The following PPP1R1C variants were observed in gnomAD, a reference collection of about 807,000 sequenced individuals.
PPP1R1C encodes protein phosphatase 1 regulatory inhibitor subunit 1C.
A neutral mutation model predicts 17.4 loss-of-function variants in PPP1R1C; 15 were observed. The observed-to-expected ratio is 0.86, with a 90% confidence interval of 0.58 to 1.33. PPP1R1C has a LOEUF of 1.33. PPP1R1C is among the 40% of genes most tolerant of loss of function. The pLI, the probability that PPP1R1C is intolerant of heterozygous loss-of-function variation, is 0.00. For missense variants in PPP1R1C, 143 were observed against 130.0 expected (o/e 1.10, Z -0.48); for synonymous variants, 35 against 43.1 (o/e 0.81, Z 0.73).
At chr2:181,970,879 C>G (rs1452069640) in intron 1 of PPP1R1C, among the ~76,000 whole-genome samples, 2 of 152,168 alleles carry the variant, frequency 1.3e-5, no homozygotes, top group East Asian at 3.9e-4. Flanking sequence ...AGAGTACTGA[C>G]TGGCTACCAC....
rs905934694 is a variant in PPP1R1C, at chr2:182,117,753, T to G, written c.*458T>G. On this transcript the variant is annotated 3_prime_UTR_variant, in exon 5 of 5. Coordinates refer to ENST00000682840, the MANE Select transcript of PPP1R1C (RefSeq NM_001080545.3). ...AGAAATATCTAATAAAGCTTTTAGC[T>G]TGAGATTTGCATTGATCATATTTCT... The G allele has an allele frequency of 6.5e-6, 1 of 153,300 alleles. No homozygotes were observed. The highest frequency in any genetic ancestry group is 2.4e-5 in the African/African-American group (1 of 41,432). 9.5% of individuals were successfully genotyped at this position (153,300 alleles called of 1,614,324 possible).
chr2:181,961,844 T>G lies in PPP1R1C; in HGVS notation n.111+7210T>G. On this transcript the variant is annotated intron_variant and non_coding_transcript_variant, in intron 1 of 5. Coordinates refer to the PPP1R1C transcript ENST00000464264. This position sits in a 1 kb window ranked among gnomAD's most constrained non-coding sequence, Gnocchi z 5.8. The stretch of plus-strand genomic sequence containing the variant: ...ACTTCCTCTTCGTGGTTCTTCTTCA[T>G]GAAGAGCAGCTCCTCCTTGAGAGCC... The G allele has an allele frequency of 1.1e-6, 1 of 922,706 alleles. No individual in the cohort carries two copies. The highest frequency in any genetic ancestry group is 1.8e-6 in the Non-Finnish European group (1 of 561,778). 57.2% of individuals were successfully genotyped at this position (922,706 alleles called of 1,614,324 possible).
chr2:181,999,798 C>A (rs1245132756), intron 2 of PPP1R1C, among the ~76,000 whole-genome samples: 3 of 151,200 alleles, frequency 2.0e-5, no homozygotes, highest in African/African-American at 7.3e-5. Context: ...AAAAGATAAC[C>A]AAATAGAAAA....
At chr2:182,112,429 C>T (rs1689469689) in intron 4 of PPP1R1C, among the ~76,000 whole-genome samples, 1 of 152,140 alleles carries the variant, frequency 6.6e-6, no homozygotes, top group African/African-American at 2.4e-5. Flanking sequence ...ATACCGAAAT[C>T]TATCCATGAT....
At chr2:182,002,227 G>T (rs1458990677) in intron 2 of PPP1R1C, among the ~76,000 whole-genome samples, 1 of 151,476 alleles carries the variant, frequency 6.6e-6, no homozygotes. Context: ...AAATTTTTCT[G>T]TGTAGTAGCT....
intron 4 of PPP1R1C, among the ~76,000 whole-genome samples, chr2:182,089,747 T>C (rs896933311): frequency 2.8e-4 from 42 of 152,254 alleles, no homozygotes; most frequent in Admixed American, 9.8e-4. Context: ...ACTACACTGT[T>C]AATTAATCTG....
chr2:181,957,911 A>C lies in PPP1R1C; in HGVS notation n.111+3277A>C, dbSNP rs1425451252. 6.6e-6 allele frequency among the ~76,000 whole-genome samples: 1 copy of C among 152,218 alleles called. No individual in the cohort carries two copies. The highest frequency in any genetic ancestry group is 2.4e-5 in the African/African-American group (1 of 41,452). ...ATGATTCATGAGTCATGCCTCCCAG[A>C]GTGTGTACTCATTTAATTAATGGAA... On this transcript the variant is annotated intron_variant and non_coding_transcript_variant, in intron 1 of 5. Transcript: ENST00000464264. This position sits in a 1 kb window ranked among gnomAD's most constrained non-coding sequence, Gnocchi z 4.2.
At chr2:182,005,465 A>G (rs1685890659) in intron 2 of PPP1R1C, among the ~76,000 whole-genome samples, 1 of 152,172 alleles carries the variant, frequency 6.6e-6, no homozygotes, top group Admixed American at 6.5e-5. Context: ...AACATTTTTC[A>G]TTCTTCTTTG....
At chr2:182,043,922 C>T (rs1687264728) in intron 2 of PPP1R1C, among the ~76,000 whole-genome samples, 1 of 152,082 alleles carries the variant, frequency 6.6e-6, no homozygotes, top group South Asian at 2.1e-4. Flanking sequence ...TGAATTCTAC[C>T]CACTTGGATA....
chr2:181,962,447 G>A lies in PPP1R1C; in HGVS notation n.111+7813G>A. The A allele has an allele frequency of 2.8e-6, 2 of 707,174 alleles. No individual in the cohort carries two copies. The highest frequency in any genetic ancestry group is 1.8e-5 in the African/African-American group (1 of 56,932). 43.8% of individuals were successfully genotyped at this position (707,174 alleles called of 1,614,324 possible). A position where few individuals can be genotyped will look rare whatever the true frequency, so the allele number is the denominator to read the frequency against. On this transcript the variant is annotated intron_variant and non_coding_transcript_variant, in intron 1 of 5. Coordinates refer to the PPP1R1C transcript ENST00000464264. This position sits in a 1 kb window ranked among gnomAD's most constrained non-coding sequence, Gnocchi z 6.0. Reference sequence around the variant, plus strand: ...GACAGAGCCCAGGAACAGGTAGTTGGTGGAGAAGATGGAGCGAGTGGTGAA... The same window carrying A: ...GACAGAGCCCAGGAACAGGTAGTTGATGGAGAAGATGGAGCGAGTGGTGAA...
chr2:182,059,628 C>T (rs931780521), intron 2 of PPP1R1C, among the ~76,000 whole-genome samples: 2 of 152,044 alleles, frequency 1.3e-5, no homozygotes, highest in Non-Finnish European at 2.9e-5. Context: ...TTAATTTTCA[C>T]TTTTCAATTT....
At chr2:182,094,594 G>A (rs1165276269) in intron 4 of PPP1R1C, among the ~76,000 whole-genome samples, 1 of 152,174 alleles carries the variant, frequency 6.6e-6, no homozygotes, top group Non-Finnish European at 1.5e-5. Flanking sequence ...TACAGCTCTG[G>A]GTCAGCCATA....
At chr2:182,087,439 A>G (rs943218071) in intron 4 of PPP1R1C, among the ~76,000 whole-genome samples, 1 of 152,118 alleles carries the variant, frequency 6.6e-6, no homozygotes, top group African/African-American at 2.4e-5. Context: ...ATATTTTCCC[A>G]TGCTGCTTTC....
chr2:182,117,001 G>T (rs1432828366), intron 4 of PPP1R1C, among the ~76,000 whole-genome samples: 1 of 152,094 alleles, frequency 6.6e-6, no homozygotes, highest in Non-Finnish European at 1.5e-5. Context: ...AAGATAGCCT[G>T]CCTCTAATGG....
At chr2:182,089,344 AG>A (rs1184765181) in intron 4 of PPP1R1C, among the ~76,000 whole-genome samples, 1 of 152,202 alleles carries the variant, frequency 6.6e-6, no homozygotes, top group East Asian at 1.9e-4. Flanking sequence ...GGGTAGTAGA[AG>A]GAAGAGATTA....
chr2:182,044,841 A>G (rs1306707743), intron 2 of PPP1R1C, among the ~76,000 whole-genome samples: 1 of 152,240 alleles, frequency 6.6e-6, no homozygotes, highest in Non-Finnish European at 1.5e-5. Context: ...ACAGATTATC[A>G]TAGGCGTTAA....
intron 2 of PPP1R1C, among the ~76,000 whole-genome samples, chr2:182,059,258 T>C (rs1272173361): frequency 6.6e-6 from 1 of 152,164 alleles, no homozygotes; most frequent in African/African-American, 2.4e-5. Flanking sequence ...AGACAAGATA[T>C]GGCTGGAATA....
intron 5 of PPP1R1C, among the ~76,000 whole-genome samples, chr2:182,124,207 G>A (rs1689808518): frequency 6.6e-6 from 1 of 151,550 alleles, no homozygotes; most frequent in African/African-American, 2.4e-5. Flanking sequence ...CTGTTCCCTT[G>A]GTCTATATAT....
At chr2:181,990,779 G>T (rs1282406024) in intron 2 of PPP1R1C, among the ~76,000 whole-genome samples, 1 of 152,178 alleles carries the variant, frequency 6.6e-6, no homozygotes, top group African/African-American at 2.4e-5. Flanking sequence ...ACTCATAAGT[G>T]TTAAATGACC....
Sources: gnomAD v4.1 joint callset for allele counts (sites outside exome capture counted in the v4.1 genomes callset) on GRCh38, gnomAD v4.1.1 for gene constraint, Gnocchi (gnomAD v3.1) non-coding constraint, MANE v1.5 for transcripts, NCBI Gene and HGNC (gene_info 2026-07-23, HGNC 2026-07-21) for gene names.